Variants in EBF1 observed in about 807,000 individuals in gnomAD.
EBF1 encodes the protein transcription factor COE1.
In EBF1, 10 loss-of-function variants were observed where a neutral mutation model predicts 68.4. The ratio of observed to expected loss-of-function variants is 0.15; its 90% CI spans 0.09 to 0.25. The LOEUF (loss-of-function observed/expected upper bound fraction) is 0.25. Ranked by LOEUF, EBF1 falls within the 10% of genes least tolerant of loss-of-function variation. The probability of loss-of-function intolerance (pLI) is 1.00; values close to 1 mark genes in which losing one functional copy is unlikely to be tolerated. For missense variants in EBF1, 509 were observed against 794.4 expected (o/e 0.64, Z 4.32); for synonymous variants, 298 against 299.8 (o/e 0.99, Z 0.06).
rs1273982927 is a variant in EBF1 at position 158,696,897 on chromosome 5, GTTTTT to G, written c.*2209_*2213del. 6.5e-5 allele frequency: 11 copies of G among 169,736 alleles called. No individual in the cohort carries two copies. Among genetic ancestry groups the G allele is most frequent in the African/African-American group, 2.8e-4 (11 of 39,360 alleles). The allele number at this position is 169,736 out of a possible 1,614,324, so 10.5% of individuals were successfully genotyped here. A position where few individuals can be genotyped will look rare whatever the true frequency, so the allele number is the denominator to read the frequency against. On this transcript the variant is annotated 3_prime_UTR_variant, in exon 16 of 16. Coordinates refer to ENST00000313708, the MANE Select transcript of EBF1 (RefSeq NM_024007.5). Reference sequence around the variant, plus strand: ...TTCTTTTGTGCTTTTCGATTTCTTTGTTTTTTTTTTTTTCTTTTTTTCTTTTTCTT... The same window carrying G: ...TTCTTTTGTGCTTTTCGATTTCTTTGTTTTTTTTCTTTTTTTCTTTTTCTT...
chr5:158,770,152 A>G (rs1773586765), intron 10 of EBF1, among the ~76,000 whole-genome samples: 2 of 152,122 alleles, frequency 1.3e-5, no homozygotes, highest in Admixed American at 1.3e-4. Flanking sequence ...GATGCACAGA[A>G]AAGTGATGGC....
At chr5:158,961,860 T>A (rs1323043990) in intron 6 of EBF1, among the ~76,000 whole-genome samples, 1 of 152,194 alleles carries the variant, frequency 6.6e-6, no homozygotes, top group Non-Finnish European at 1.5e-5. Context: ...AGAGAGCGAA[T>A]TTTTTTAGGA....
At chr5:158,928,174 T>C (rs760193533) in intron 6 of EBF1, among the ~76,000 whole-genome samples, 3 of 152,188 alleles carry the variant, frequency 2.0e-5, no homozygotes, top group Non-Finnish European at 4.4e-5. Context: ...ACTAGCCTGA[T>C]CTCTCTTTGA....
In EBF1 at chr5:158,796,391, A is replaced by G; in HGVS notation, c.863T>C (p.Phe288Ser). 6.2e-7 allele frequency: 1 copy of G among 1,613,680 alleles called. No homozygotes were observed. The highest frequency in any genetic ancestry group is 8.5e-7 in the Non-Finnish European group (1 of 1,179,732). Residue 288 changes from phenylalanine (F) to serine (S), a missense_variant, in exon 9 of 16, where the codon TTT (phenylalanine) becomes TCT (serine). By Grantham distance (155) the Phe-to-Ser change is radical (BLOSUM62 -2). This residue lies in a region of EBF1 where 230 missense variants were observed against 467.7 expected (regional missense o/e 0.49). Coordinates refer to ENST00000313708, the MANE Select transcript of EBF1 (RefSeq NM_024007.5). ...ACCGAATATGACCTGTAACCCATCA[A>G]AGAAATTGTCCCCTATGATGATCAC... is the stretch of plus-strand genomic sequence containing the variant. Reference protein sequence around the residue: ...ATVIIIGDNFFDGLQVIFGTM... With the variant: ...ATVIIIGDNFSDGLQVIFGTM...
intron 15 of EBF1, among the ~76,000 whole-genome samples, chr5:158,707,186 G>T (rs759201281): frequency 6.6e-6 from 1 of 152,152 alleles, no homozygotes; most frequent in Non-Finnish European, 1.5e-5. Flanking sequence ...CCTGCTGGGG[G>T]CAATGAATGA....
At chr5:158,699,779 C>T (rs551501367) in intron 15 of EBF1, among the ~76,000 whole-genome samples, 6 of 152,258 alleles carry the variant, frequency 3.9e-5, no homozygotes, top group African/African-American at 9.6e-5. Flanking sequence ...TTCCATATCA[C>T]GGCTTCACTC....
chr5:159,016,802 C>T (rs946471368), intron 6 of EBF1, among the ~76,000 whole-genome samples: 1 of 152,166 alleles, frequency 6.6e-6, no homozygotes, highest in Non-Finnish European at 1.5e-5. Context: ...GAGGGCCCCC[C>T]AAAAGACAGA....
chr5:159,044,349 G>T (rs1054279503), intron 6 of EBF1, among the ~76,000 whole-genome samples: 1 of 152,174 alleles, frequency 6.6e-6, no homozygotes. Flanking sequence ...TGCAGGTGTT[G>T]TGGGGGTTGT....
At chr5:159,061,508 C>A (rs1038894184) in intron 6 of EBF1, among the ~76,000 whole-genome samples, 2 of 151,888 alleles carry the variant, frequency 1.3e-5, no homozygotes, top group African/African-American at 4.8e-5. Flanking sequence ...TAAACTATGA[C>A]AAATCATTTT....
intron 6 of EBF1, among the ~76,000 whole-genome samples, chr5:159,029,362 G>A (rs1768324726): frequency 6.6e-6 from 1 of 152,174 alleles, no homozygotes; most frequent in Non-Finnish European, 1.5e-5. Flanking sequence ...TGCATTGAGA[G>A]CCATGAAAAT....
At chr5:158,903,323 T>C (rs887813561) in intron 6 of EBF1, among the ~76,000 whole-genome samples, 11 of 152,226 alleles carry the variant, frequency 7.2e-5, no homozygotes, top group Non-Finnish European at 1.5e-4. Flanking sequence ...GCCCCTTTTT[T>C]TCTTTTTCTC....
chr5:158,775,900 G>T (rs954029953), intron 10 of EBF1, among the ~76,000 whole-genome samples: 4 of 151,778 alleles, frequency 2.6e-5, no homozygotes, highest in Non-Finnish European at 4.4e-5. Flanking sequence ...CAGCTAATCT[G>T]CTAGTTTGAT....
intron 10 of EBF1, among the ~76,000 whole-genome samples, chr5:158,768,631 C>T (rs1164287071): frequency 6.6e-6 from 1 of 152,048 alleles, no homozygotes; most frequent in East Asian, 1.9e-4. Context: ...AATGCCCTAG[C>T]GGGTCCCACG....
intron 6 of EBF1, among the ~76,000 whole-genome samples, chr5:158,965,034 C>T (rs546985345): frequency 1.4e-4 from 21 of 152,142 alleles, no homozygotes; most frequent in Non-Finnish European, 1.8e-4. Flanking sequence ...CTAGAGATAT[C>T]GTGTTGTTTG....
chr5:158,715,417 T>C (rs1011801909), intron 11 of EBF1, among the ~76,000 whole-genome samples: 5 of 152,198 alleles, frequency 3.3e-5, no homozygotes, highest in African/African-American at 1.2e-4. Context: ...TTTAGATACA[T>C]ATTAGCATTT....
At chr5:159,064,177 T>C (rs190687237) in intron 6 of EBF1, among the ~76,000 whole-genome samples, 1 of 152,292 alleles carries the variant, frequency 6.6e-6, no homozygotes, top group African/African-American at 2.4e-5. Context: ...TATATGTGTT[T>C]ATATATATGT....
chr5:158,881,646 TCCA>T (rs1798929579), intron 6 of EBF1, among the ~76,000 whole-genome samples: 1 of 152,218 alleles, frequency 6.6e-6, no homozygotes, highest in Admixed American at 6.5e-5. Context: ...TAGAGAAGTC[TCCA>T]CATCACCTCT....
chr5:158,708,217 C>T (rs1460323899), intron 14 of EBF1, 44 bp from the exon 15 acceptor site: 1 of 1,534,760 alleles, frequency 6.5e-7, no homozygotes, highest in Admixed American at 2.0e-5. Context: ...CCTTTCATGG[C>T]ATCCTGAAGC....
chr5:158,808,730 G>A (rs957626327), intron 8 of EBF1, among the ~76,000 whole-genome samples: 1 of 152,162 alleles, frequency 6.6e-6, no homozygotes, highest in African/African-American at 2.4e-5. Context: ...AGAGGAGGAG[G>A]AAGAAGAGAA....
Sources: gnomAD v4.1 joint callset for allele counts (sites outside exome capture counted in the v4.1 genomes callset) on GRCh38, gnomAD v4.1.1 for gene constraint, gnomAD v4.1.1 regional missense constraint, MANE v1.5 for transcripts, NCBI Gene and HGNC (gene_info 2026-07-23, HGNC 2026-07-21) for gene names.